MCF2L2: variants seen among roughly 807,000 people sequenced by gnomAD.
MCF2L2 encodes the protein probable guanine nucleotide exchange factor MCF2L2.
In MCF2L2, 102 loss-of-function variants were observed where a neutral mutation model predicts 150.2. The ratio of observed to expected loss-of-function variants is 0.68; its 90% CI spans 0.58 to 0.80. The LOEUF is 0.80. Ranked by LOEUF, MCF2L2 falls within the 30% of genes least tolerant of loss-of-function variation. The pLI, the probability that MCF2L2 is intolerant of heterozygous loss-of-function variation, is 0.00. For synonymous variants in MCF2L2, 465 were observed against 491.3 expected (o/e 0.95, Z 0.71); for missense variants, 1,256 against 1,372.8 (o/e 0.91, Z 1.34).
intron 7 of MCF2L2, among the ~76,000 whole-genome samples, chr3:183,316,949 G>A (rs6806626): frequency 0.17 from 26,437 of 151,932 alleles, 2,679 homozygotes; most frequent in African/African-American, 0.27. Context: ...CAAGTGATCC[G>A]CCCACCTCGG....
intron 11 of MCF2L2, 163 bp from the exon 12 acceptor site, chr3:183,297,330 T>G: frequency 1.6e-6 from 1 of 629,284 alleles, no homozygotes; most frequent in Non-Finnish European, 2.7e-6. Context: ...CACTGTAAAT[T>G]ACACTATGAG....
chr3:183,379,870 T>C (rs968787947), intron 2 of MCF2L2, among the ~76,000 whole-genome samples: 1 of 151,614 alleles, frequency 6.6e-6, no homozygotes, highest in African/African-American at 2.4e-5. Context: ...CTTTCATATT[T>C]ATATATACAT....
rs549795841 is a variant in MCF2L2, at chr3:183,283,522, T to G, written c.1776+5598A>C. On this transcript the variant is annotated intron_variant, in intron 14 of 29. Coordinates refer to ENST00000328913, the MANE Select transcript of MCF2L2 (RefSeq NM_015078.4). The surrounding 1 kb of genome is among the most constrained non-coding windows in gnomAD (Gnocchi z 4.2). ...TCTTACCCACCTTTCAGAGTTCTAT[T>G]TATTCTTTTTTTTTTTTTAGATGGA... Among the ~76,000 whole-genome samples the G allele has an allele frequency of 6.6e-6, 1 of 151,826 alleles. No homozygotes were observed. Among genetic ancestry groups the G allele is most frequent in the South Asian group, 2.1e-4 (1 of 4,814 alleles).
chr3:183,328,111 G>C (rs1730124893), intron 5 of MCF2L2, among the ~76,000 whole-genome samples: 1 of 152,172 alleles, frequency 6.6e-6, no homozygotes, highest in African/African-American at 2.4e-5. Flanking sequence ...GAGATTTAAG[G>C]AGCTCCCAGG....
chr3:183,342,410 G>A (rs1279771055), intron 3 of MCF2L2, among the ~76,000 whole-genome samples: 2 of 152,122 alleles, frequency 1.3e-5, no homozygotes, highest in African/African-American at 4.8e-5. Context: ...TCTGTAAAAT[G>A]AGAATCATAT....
chr3:183,287,777 T>A (rs1727878931), intron 14 of MCF2L2: 1 of 152,184 alleles, frequency 6.6e-6, no homozygotes, highest in Non-Finnish European at 1.5e-5. Flanking sequence ...TCTCTCTCTC[T>A]AAGAAAAGTC....
chr3:183,337,901 A>G (rs1356676973), intron 5 of MCF2L2, among the ~76,000 whole-genome samples: 1 of 152,226 alleles, frequency 6.6e-6, no homozygotes, highest in African/African-American at 2.4e-5. Flanking sequence ...AGTGAAATAT[A>G]AGAGTGCTTG....
chr3:183,286,174 G>A (rs1265633059), intron 14 of MCF2L2, among the ~76,000 whole-genome samples: 2 of 152,162 alleles, frequency 1.3e-5, no homozygotes, highest in Admixed American at 1.3e-4. Flanking sequence ...CTCTGATCAT[G>A]ATCAAACCAT....
At position 183,179,864 on chromosome 3, in the gene MCF2L2, G is replaced by A. The variant is rs1368532986; in HGVS notation, c.3106-172C>T. Among the ~76,000 whole-genome samples, 2 of 152,152 alleles carry A rather than the reference G, an allele frequency of 1.3e-5. No individual in the cohort carries two copies. Among genetic ancestry groups the A allele is most frequent in the South Asian group, 4.1e-4 (2 of 4,832 alleles). ...TGACCGGACACCAGCGCACCGCCAAGGAGACAGCCACGTGGGGACATGCTG... is the reference window on the plus strand; with the variant it reads ...TGACCGGACACCAGCGCACCGCCAAAGAGACAGCCACGTGGGGACATGCTG... On this transcript the variant is annotated intron_variant, in intron 28 of 29. Transcript: ENST00000328913. The surrounding 1 kb of genome is among the most constrained non-coding windows in gnomAD (Gnocchi z 4.2).
chr3:183,381,416 T>C (rs1577108653), intron 2 of MCF2L2, among the ~76,000 whole-genome samples: 1 of 152,338 alleles, frequency 6.6e-6, no homozygotes. Flanking sequence ...ATGACACCAC[T>C]GTAAGATCAT....
At position 183,212,922 on chromosome 3, in the gene MCF2L2, G is replaced by A. The variant is rs140661463; in HGVS notation, c.2496+3047C>T. 4.5e-3 allele frequency among the ~76,000 whole-genome samples: 566 copies of A among 126,702 alleles called. 5 individuals are homozygous for A. Among genetic ancestry groups the A allele is most frequent in the African/African-American group, 0.016 (540 of 34,494 alleles). 83.1% of individuals were successfully genotyped at this position (126,702 alleles called of 152,430 possible). A position where few individuals can be genotyped will look rare whatever the true frequency, so the allele number is the denominator to read the frequency against. ...CATCATTTAATTCTCACTTACTCCC[G>A]GCAACCGCCTGTAATATAGGTATTG... On this transcript the variant is annotated intron_variant, in intron 22 of 29. Transcript: ENST00000328913.
chr3:183,287,149 T>C (rs1337618550), intron 14 of MCF2L2, among the ~76,000 whole-genome samples: 4 of 152,196 alleles, frequency 2.6e-5, no homozygotes, highest in Admixed American at 2.6e-4. Context: ...TCCTACACTG[T>C]CTATGTTTCT....
intron 2 of MCF2L2, among the ~76,000 whole-genome samples, 184 bp downstream of exon 2, chr3:183,389,512 G>A (rs58156029): frequency 0.076 from 11,610 of 152,192 alleles, 1,488 homozygotes; most frequent in African/African-American, 0.26. Context: ...AACAGCAAAG[G>A]GAATAATATG....
intron 7 of MCF2L2, among the ~76,000 whole-genome samples, chr3:183,312,403 A>G (rs1729419463): frequency 6.6e-6 from 1 of 152,316 alleles, no homozygotes; most frequent in African/African-American, 2.4e-5. Context: ...TCCAAAGCCA[A>G]CAGCTGTAGT....
chr3:183,184,074 G>A (rs550228074), intron 27 of MCF2L2, among the ~76,000 whole-genome samples: 3 of 152,322 alleles, frequency 2.0e-5, no homozygotes, highest in South Asian at 2.1e-4. Flanking sequence ...CTGGAGTGCA[G>A]TGGCGTGATC....
Position 183,381,911 on chromosome 3 carries a change from G to GAA in MCF2L2, c.161-2502_161-2501dup, listed in dbSNP as rs1313380651. Among the ~76,000 whole-genome samples, 5 of 152,142 alleles carry GAA rather than the reference G, an allele frequency of 3.3e-5. No individual in the cohort carries two copies. The East Asian group carries it at 9.6e-4, about 29-fold the overall frequency. ...GTGCATTCAGAGAATTTGCGTCTTT[G>GAA]AAAAGCTAAATTAAGATGCATTATA... On this transcript the variant is annotated intron_variant, in intron 2 of 29. Coordinates refer to ENST00000328913, the MANE Select transcript of MCF2L2 (RefSeq NM_015078.4).
intron 1 of MCF2L2, among the ~76,000 whole-genome samples, chr3:183,414,385 C>T (rs1215141695): frequency 6.6e-6 from 1 of 152,074 alleles, no homozygotes; most frequent in Non-Finnish European, 1.5e-5. Context: ...CGTATTATTC[C>T]TTTACAGGCC....
intron 6 of MCF2L2, among the ~76,000 whole-genome samples, chr3:183,320,094 C>CTT (rs568657208): frequency 1.9e-3 from 256 of 134,638 alleles, no homozygotes; most frequent in African/African-American, 5.5e-3. Flanking sequence ...TTTTTCTTTT[C>CTT]TTTTTTTTTT....
chr3:183,395,917 C>CAAAAAAAAAAAAAAAAA, intron 1 of MCF2L2, among the ~76,000 whole-genome samples: 1 of 58,092 alleles, frequency 1.7e-5, no homozygotes. Flanking sequence ...GACATCGTCT[C>CAAAAAAAAAAAAAAAAA]AAAAAAAAAA....
Sources: allele counts gnomAD v4.1 joint callset (sites outside exome capture counted in the v4.1 genomes callset), GRCh38; gene constraint gnomAD v4.1.1; non-coding constraint Gnocchi (gnomAD v3.1); transcripts MANE v1.5; gene names NCBI Gene and HGNC (gene_info 2026-07-23, HGNC 2026-07-21).